The following SDK1 variants were observed in gnomAD, a reference collection of about 807,000 sequenced individuals.
SDK1 encodes the protein sidekick cell adhesion molecule 1, also known as protein sidekick-1.
In SDK1, 157 loss-of-function variants were observed where a neutral mutation model predicts 245.5. That is an observed-to-expected ratio of 0.64 (90% CI 0.56 to 0.73). The LOEUF (loss-of-function observed/expected upper bound fraction) is 0.73, where lower values mean the gene tolerates loss of function less well. SDK1 is among the 30% of genes least tolerant of loss of function. SDK1 has a pLI of 0.00. For missense variants in SDK1, 3,583 were observed against 3,002.3 expected (o/e 1.19, Z -4.52); for synonymous variants, 1,647 against 1,278.5 (o/e 1.29, Z -6.15).
chr7:3,799,222 T>A lies in SDK1; in HGVS notation c.714-22228T>A, dbSNP rs888907152. 5.3e-5 allele frequency among the ~76,000 whole-genome samples: 8 copies of A among 152,304 alleles called. No homozygotes were observed. In the South Asian group the frequency reaches 6.2e-4, roughly 12 times the overall value. On this transcript the variant is annotated intron_variant, in intron 4 of 44. Transcript: ENST00000404826. ...ATTTTTCGTTTTCAGGACATTCAGTTGGTATGTACTTTGAAATTGTGTTAA... is the reference window on the plus strand; with the variant it reads ...ATTTTTCGTTTTCAGGACATTCAGTAGGTATGTACTTTGAAATTGTGTTAA...
rs573083504 is a variant in SDK1, at chr7:3,736,628, C to T, written c.714-84822C>T. Among the ~76,000 whole-genome samples, 10 of 152,222 alleles carry T rather than the reference C, an allele frequency of 6.6e-5. No homozygotes were observed. In the South Asian group the frequency reaches 1.9e-3, roughly 28 times the overall value. ...AGTTTAATTCCTCTCTTCCCCACTACTGTGGGAGTTTTTCTAAGCTTTACT... is the reference window on the plus strand; with the variant it reads ...AGTTTAATTCCTCTCTTCCCCACTATTGTGGGAGTTTTTCTAAGCTTTACT... On this transcript the variant is annotated intron_variant, in intron 4 of 44. Coordinates refer to ENST00000404826, the MANE Select transcript of SDK1 (RefSeq NM_152744.4).
intron 7 of SDK1, chr7:3,952,131 C>G (rs886413841): frequency 3.6e-5 from 20 of 562,758 alleles, no homozygotes; most frequent in Admixed American, 1.8e-4. Context: ...CTCAATCCTT[C>G]CAAGAAACGT....
intron 1 of SDK1, among the ~76,000 whole-genome samples, chr7:3,311,720 C>T (rs1440293779): frequency 1.3e-5 from 2 of 152,120 alleles, no homozygotes; most frequent in African/African-American, 4.8e-5. Context: ...TGGAGGACTC[C>T]CTTCACCACC....
intron 35 of SDK1, among the ~76,000 whole-genome samples, chr7:4,185,207 A>C (rs1256994945): frequency 6.6e-6 from 1 of 152,172 alleles, no homozygotes; most frequent in Non-Finnish European, 1.5e-5. Flanking sequence ...TGATAGGCAG[A>C]GTTTGACTAG....
At chr7:4,161,698 T>TC (rs1260451942) in intron 31 of SDK1, 88 bp from the exon 32 acceptor site, 1 of 1,058,334 alleles carries the variant, frequency 9.4e-7, no homozygotes, top group African/African-American at 1.6e-5. Context: ...CTCACCAGCC[T>TC]CCCCATACTC....
chr7:4,210,034 C>T lies in SDK1; in HGVS notation c.5411C>T (p.Ala1804Val), dbSNP rs778766027. 16 of 1,587,000 alleles carry T rather than the reference C, an allele frequency of 1.0e-5. No homozygotes were observed. Among genetic ancestry groups the T allele is most frequent in the South Asian group, 2.3e-5 (2 of 86,416 alleles). Residue 1804 changes from alanine to valine, a missense_variant, in exon 38 of 45, where the codon GCC (alanine) becomes GTC (valine). Transcript: ENST00000404826. ...TGTTCTATTCTCCCAGCCCCTGGGGCCCCCAGCTTTCTGGCGTTCTCAGAA... is the reference window on the plus strand; with the variant it reads ...TGTTCTATTCTCCCAGCCCCTGGGGTCCCCAGCTTTCTGGCGTTCTCAGAA... Reference protein sequence around the residue: ...QGRTHQAAPGAPSFLAFSEIT... With the variant: ...QGRTHQAAPGVPSFLAFSEIT...
chr7:3,346,542 C>G (rs1780501693), intron 1 of SDK1, among the ~76,000 whole-genome samples: 1 of 151,428 alleles, frequency 6.6e-6, no homozygotes, highest in Non-Finnish European at 1.5e-5. Context: ...TAGTCAAGGT[C>G]TCACTCTGTC....
intron 2 of SDK1, among the ~76,000 whole-genome samples, chr7:3,620,976 A>C (rs899678916): frequency 6.6e-6 from 1 of 152,140 alleles, no homozygotes; most frequent in Non-Finnish European, 1.5e-5. Context: ...GGACTGGCAG[A>C]ATTCAGCTCC....
At chr7:3,466,573 A>G (rs1390058102) in intron 1 of SDK1, among the ~76,000 whole-genome samples, 18 of 147,356 alleles carry the variant, frequency 1.2e-4, no homozygotes, top group Non-Finnish European at 1.6e-4. Context: ...ATCTTCATCC[A>G]CTCTTATCTC....
intron 35 of SDK1, among the ~76,000 whole-genome samples, chr7:4,192,645 T>C (rs1783277673): frequency 6.6e-6 from 1 of 152,178 alleles, no homozygotes; most frequent in Admixed American, 6.6e-5. Flanking sequence ...GAACAGATTA[T>C]GGTATCGTAG....
rs565289531 is a variant in SDK1, at chr7:3,598,016, T to G, written c.299-21064T>G. Among the ~76,000 whole-genome samples, 15 of 152,308 alleles carry G rather than the reference T, an allele frequency of 9.8e-5. No individual in the cohort carries two copies. The East Asian group carries it at 2.9e-3, about 29-fold the overall frequency. ...AATTTTATGATAAATTGTAAAGCCTTTTTCTAAAGTGGTTGTACCATTTTT... is the reference window on the plus strand; with the variant it reads ...AATTTTATGATAAATTGTAAAGCCTGTTTCTAAAGTGGTTGTACCATTTTT... On this transcript the variant is annotated intron_variant, in intron 1 of 44. Coordinates refer to ENST00000404826, the MANE Select transcript of SDK1 (RefSeq NM_152744.4).
At chr7:4,031,951 T>A (rs1404283049) in intron 17 of SDK1, among the ~76,000 whole-genome samples, 3 of 149,544 alleles carry the variant, frequency 2.0e-5, no homozygotes, top group African/African-American at 4.9e-5. Flanking sequence ...CGCTTGAACC[T>A]GAGAGGCAGA....
intron 20 of SDK1, among the ~76,000 whole-genome samples, chr7:4,073,828 G>A (rs552756994): frequency 2.6e-5 from 4 of 152,280 alleles, no homozygotes; most frequent in Non-Finnish European, 5.9e-5. Flanking sequence ...GGAGAACAGC[G>A]AAAGTGAGAC....
chr7:3,833,652 C>T (rs917754647), intron 5 of SDK1, among the ~76,000 whole-genome samples: 2 of 152,198 alleles, frequency 1.3e-5, no homozygotes, highest in Non-Finnish European at 2.9e-5. Flanking sequence ...GAGTTTCATA[C>T]TTCGTTAGCC....
At chr7:4,003,423 C>T (rs1785223928) in intron 14 of SDK1, among the ~76,000 whole-genome samples, 1 of 152,208 alleles carries the variant, frequency 6.6e-6, no homozygotes, top group Non-Finnish European at 1.5e-5. Flanking sequence ...ACAGTGACAC[C>T]TTATTGTTCA....
intron 1 of SDK1, among the ~76,000 whole-genome samples, chr7:3,502,491 C>A (rs548467614): frequency 6.6e-6 from 1 of 152,140 alleles, no homozygotes; most frequent in Non-Finnish European, 1.5e-5. Flanking sequence ...CTCAGGTGAT[C>A]CACCGCCTTG....
At chr7:3,650,366 T>TC (rs1207022040) in intron 4 of SDK1, among the ~76,000 whole-genome samples, 1 of 152,204 alleles carries the variant, frequency 6.6e-6, no homozygotes, top group Non-Finnish European at 1.5e-5. Context: ...ACTCCCTCCT[T>TC]CCCCTAGTCC....
rs761196827 is a variant in SDK1 at position 4,017,302 on chromosome 7, C to T, written c.2552C>T (p.Ala851Val). The change falls in exon 17 of 45, where the codon GCC becomes GTC. Residue 851 changes from alanine to valine, a missense_variant. Transcript: ENST00000404826. ...ATACAGGTGGCGGCGTACAACGGGG[C>T]CGGTCTGGGCGTCTTCAGCAGGGCA... is the stretch of plus-strand genomic sequence containing the variant. ...YEIQVAAYNG[A>V]GLGVFSRAVT... 3 of 1,613,816 alleles carry T rather than the reference C, an allele frequency of 1.9e-6. No individual in the cohort carries two copies. Among genetic ancestry groups the T allele is most frequent in the Admixed American group, 3.3e-5 (2 of 59,980 alleles).
At chr7:3,493,076 C>T (rs565189860) in intron 1 of SDK1, among the ~76,000 whole-genome samples, 1 of 152,046 alleles carries the variant, frequency 6.6e-6, no homozygotes, top group Non-Finnish European at 1.5e-5. Context: ...TCAGCCTCCC[C>T]AGTAGCTGGG....
Sources: gnomAD v4.1 joint callset for allele counts (sites outside exome capture counted in the v4.1 genomes callset) on GRCh38, gnomAD v4.1.1 for gene constraint, MANE v1.5 for transcripts, NCBI Gene and HGNC (gene_info 2026-07-23, HGNC 2026-07-21) for gene names.